The following CAMKMT variants were observed in gnomAD, a reference collection of about 807,000 sequenced individuals.
CAMKMT encodes CaM KMT.
A neutral mutation model predicts 48.0 loss-of-function variants in CAMKMT; 53 were observed. The ratio of observed to expected loss-of-function variants is 1.10; its 90% CI spans 0.89 to 1.39. CAMKMT has a LOEUF of 1.39. CAMKMT is among the 40% of genes most tolerant of loss of function. CAMKMT has a pLI of 0.00. For synonymous variants in CAMKMT, 165 were observed against 152.3 expected (o/e 1.08, Z -0.61); for missense variants, 428 against 402.7 (o/e 1.06, Z -0.54).
At chr2:44,433,517 G>A (rs1684772038) in intron 3 of CAMKMT, among the ~76,000 whole-genome samples, 1 of 152,096 alleles carries the variant, frequency 6.6e-6, no homozygotes, top group Non-Finnish European at 1.5e-5. Context: ...AAAAATGGAA[G>A]TGTCTGACAT....
rs1416733313 is a variant in CAMKMT, at chr2:44,675,089, A to AGGGG, written c.377-29194_377-29193insGGGG. Among the ~76,000 whole-genome samples, 870 of 149,550 alleles carry AGGGG rather than the reference A, an allele frequency of 5.8e-3. 5 individuals carry two copies. The highest frequency in any genetic ancestry group is 0.01 in the Middle Eastern group (3 of 290). ...ATTTACCAACCTTAAGGGGGGGAAAAAAAAAAAGGCAAGCCAGCAAATGAT... is the reference window on the plus strand; with the variant it reads ...ATTTACCAACCTTAAGGGGGGGAAAAGGGGAAAAAAAGGCAAGCCAGCAAATGAT... On this transcript the variant is annotated intron_variant, in intron 3 of 10. Coordinates refer to ENST00000378494, the MANE Select transcript of CAMKMT (RefSeq NM_024766.5).
intron 3 of CAMKMT, among the ~76,000 whole-genome samples, chr2:44,594,163 G>C (rs1277365357): frequency 1.3e-5 from 2 of 152,096 alleles, no homozygotes; most frequent in Admixed American, 1.3e-4. Context: ...GAAATGAGAG[G>C]ACACAAACAA....
rs114636261 is a variant in CAMKMT at position 44,484,496 on chromosome 2, A to G, written c.376+94191A>G. 3.9e-3 allele frequency among the ~76,000 whole-genome samples: 598 copies of G among 152,150 alleles called. 3 individuals are homozygous for G. The highest frequency in any genetic ancestry group is 0.013 in the African/African-American group (560 of 41,560). On this transcript the variant is annotated intron_variant, in intron 3 of 10. Transcript: ENST00000378494. ...TGAAGATGGATGGTATTTTTAATAAAATATTCTGATTCAACTGGATAACCT... is the reference window on the plus strand; with the variant it reads ...TGAAGATGGATGGTATTTTTAATAAGATATTCTGATTCAACTGGATAACCT...
At position 44,766,561 on chromosome 2, in the gene CAMKMT, GGTTA is replaced by G. The variant is rs1680850852; in HGVS notation, c.894+4_894+7del. The G allele has an allele frequency of 1.2e-6, 2 of 1,613,638 alleles. No individual in the cohort carries two copies. The highest frequency in any genetic ancestry group is 1.7e-6 in the Non-Finnish European group (2 of 1,179,956). On this transcript the variant is annotated splice_donor_variant and splice_donor_region_variant and intron_variant, in intron 10 of 10. Transcript: ENST00000378494. LOFTEE classifies it high-confidence loss of function. ...AACACATTTCAAACTTCCACTCCAA[GGTTA>G]GTTTTCTGCTTGTGTTAGATAACAC...
At chr2:44,652,648 C>G (rs768644898) in intron 3 of CAMKMT, among the ~76,000 whole-genome samples, 6 of 152,216 alleles carry the variant, frequency 3.9e-5, no homozygotes, top group Admixed American at 2.6e-4. Flanking sequence ...CACGTGCGTA[C>G]AGACACACAC....
chr2:44,710,910 T>C (rs1289287363), intron 6 of CAMKMT, among the ~76,000 whole-genome samples: 1 of 152,256 alleles, frequency 6.6e-6, no homozygotes, highest in African/African-American at 2.4e-5. Flanking sequence ...CAATGTTTGG[T>C]GACCCATTTC....
intron 6 of CAMKMT, among the ~76,000 whole-genome samples, chr2:44,708,510 A>C (rs1353832333): frequency 2.0e-5 from 3 of 152,102 alleles, no homozygotes; most frequent in African/African-American, 7.2e-5. Context: ...ATTGCCTGAC[A>C]GACTTAAAAA....
chr2:44,591,240 C>T (rs1382758564), intron 3 of CAMKMT, among the ~76,000 whole-genome samples: 1 of 151,802 alleles, frequency 6.6e-6, no homozygotes, highest in African/African-American at 2.4e-5. Flanking sequence ...AATGTGGGCT[C>T]TTTTTTGGTT....
At chr2:44,592,064 G>T (rs189385608) in intron 3 of CAMKMT, among the ~76,000 whole-genome samples, 3,928 of 151,394 alleles carry the variant, frequency 0.026, 174 homozygotes, top group African/African-American at 0.091. Flanking sequence ...GGACTGTTGT[G>T]GGGTGGGGGG....
At chr2:44,662,043 T>C (rs1367124913) in intron 3 of CAMKMT, among the ~76,000 whole-genome samples, 1 of 152,218 alleles carries the variant, frequency 6.6e-6, no homozygotes, top group African/African-American at 2.4e-5. Context: ...TTGGGACAGC[T>C]GTAATTATTG....
intron 3 of CAMKMT, among the ~76,000 whole-genome samples, chr2:44,648,875 A>G (rs1027335149): frequency 6.6e-5 from 10 of 152,246 alleles, no homozygotes; most frequent in Non-Finnish European, 1.2e-4. Flanking sequence ...TGAGCCAGCT[A>G]GGTGAACACA....
chr2:44,756,741 C>CAA (rs772893331), intron 9 of CAMKMT, among the ~76,000 whole-genome samples: 21 of 80,304 alleles, frequency 2.6e-4, no homozygotes, highest in African/African-American at 8.6e-4. Flanking sequence ...GACTCTGTCT[C>CAA]AAAAAAAAAA....
At chr2:44,568,694 A>G (rs1553416731) in intron 3 of CAMKMT, among the ~76,000 whole-genome samples, 3 of 152,188 alleles carry the variant, frequency 2.0e-5, no homozygotes, top group Non-Finnish European at 4.4e-5. Flanking sequence ...CCTCATGGAC[A>G]TGGCAGGGGT....
chr2:44,536,833 A>C (rs1238556738), intron 3 of CAMKMT, among the ~76,000 whole-genome samples: 1 of 152,032 alleles, frequency 6.6e-6, no homozygotes, highest in Admixed American at 6.5e-5. Context: ...CCAATGGAAC[A>C]GAATAGAGAA....
intron 3 of CAMKMT, among the ~76,000 whole-genome samples, chr2:44,577,009 C>A (rs1292796297): frequency 6.6e-6 from 1 of 152,124 alleles, no homozygotes; most frequent in Non-Finnish European, 1.5e-5. Context: ...AGAAGAAATG[C>A]CGTTTCTTCA....
chr2:44,626,944 C>T, intron 3 of CAMKMT, among the ~76,000 whole-genome samples: 1 of 152,116 alleles, frequency 6.6e-6, no homozygotes, highest in East Asian at 1.9e-4. Flanking sequence ...ATATCCTTGC[C>T]TCGTTTCTGA....
intron 3 of CAMKMT, among the ~76,000 whole-genome samples, chr2:44,513,996 G>A (rs1670706536): frequency 6.6e-6 from 1 of 151,876 alleles, no homozygotes; most frequent in South Asian, 2.1e-4. Context: ...CAGCTATTTG[G>A]GAGTCTGAGG....
chr2:44,737,027 T>C (rs1042320618), intron 7 of CAMKMT, among the ~76,000 whole-genome samples: 1 of 152,232 alleles, frequency 6.6e-6, no homozygotes, highest in African/African-American at 2.4e-5. Context: ...ATTTTTTATA[T>C]GTCTGGCCAT....
At chr2:44,446,731 GTTGTGCTGCCACAGGGT>G (rs1193931674) in intron 3 of CAMKMT, among the ~76,000 whole-genome samples, 1 of 152,128 alleles carries the variant, frequency 6.6e-6, no homozygotes, top group African/African-American at 2.4e-5. Context: ...TGTATACCTT[GTTGTGCTGCCACAGGGT>G]TTGTGGTGTC....
Sources: allele counts gnomAD v4.1 joint callset (sites outside exome capture counted in the v4.1 genomes callset), GRCh38; gene constraint gnomAD v4.1.1; transcripts MANE v1.5; gene names NCBI Gene and HGNC (gene_info 2026-07-23, HGNC 2026-07-21).